The following GPHN variants were observed in gnomAD, a reference collection of about 807,000 sequenced individuals.
GPHN encodes the protein gephyrin.
Under a neutral mutation model 95.5 loss-of-function variants are expected in GPHN, and 17 were observed. That is an observed-to-expected ratio of 0.18 (90% CI 0.12 to 0.27). GPHN has a LOEUF of 0.27. Among genes scored for constraint, GPHN ranks in the 10% least tolerant of loss-of-function variants. The pLI is 1.00. For missense variants in GPHN, 660 were observed against 978.1 expected (o/e 0.67, Z 4.34); for synonymous variants, 320 against 322.5 (o/e 0.99, Z 0.08).
At chr14:67,307,510 C>T in the GPHN span, among the ~76,000 whole-genome samples, 1 of 152,086 alleles carries the variant, frequency 6.6e-6, no homozygotes, top group African/African-American at 2.4e-5. Flanking sequence ...TACTCTGTGC[C>T]AGGCACTACA....
chr14:67,260,990 A>C, the GPHN span, among the ~76,000 whole-genome samples: 1 of 152,228 alleles, frequency 6.6e-6, no homozygotes, highest in East Asian at 1.9e-4. Flanking sequence ...GGAGTCAAGC[A>C]GACTCCAGGC....
the GPHN span, among the ~76,000 whole-genome samples, chr14:67,298,832 C>G: frequency 6.6e-6 from 1 of 152,218 alleles, no homozygotes; most frequent in Non-Finnish European, 1.5e-5. Flanking sequence ...ACAATCACCT[C>G]TTTCAATCCT....
the GPHN span, among the ~76,000 whole-genome samples, chr14:67,531,601 T>C: frequency 2.0e-5 from 3 of 151,930 alleles, no homozygotes; most frequent in Admixed American, 2.0e-4. Flanking sequence ...CTCTTTTCAC[T>C]ATATAACAAA....
At chr14:66,958,138 T>G (rs1275129713) in intron 8 of GPHN, among the ~76,000 whole-genome samples, 1 of 152,194 alleles carries the variant, frequency 6.6e-6, no homozygotes, top group Non-Finnish European at 1.5e-5. Context: ...TTTTGAAGTT[T>G]TTCTCTCTTC....
intron 2 of GPHN, among the ~76,000 whole-genome samples, chr14:66,774,299 G>C (rs2059301981): frequency 6.6e-6 from 1 of 152,042 alleles, no homozygotes; most frequent in South Asian, 2.1e-4. Context: ...ACCGCGCCCG[G>C]CCATATCTAC....
At chr14:66,662,619 G>A (rs1345794037) in intron 1 of GPHN, among the ~76,000 whole-genome samples, 3 of 152,206 alleles carry the variant, frequency 2.0e-5, no homozygotes, top group East Asian at 1.9e-4. Flanking sequence ...TTGGGCAGAG[G>A]CTGAGATGGC....
the GPHN span, among the ~76,000 whole-genome samples, chr14:67,439,298 T>C: frequency 6.6e-6 from 1 of 152,198 alleles, no homozygotes; most frequent in African/African-American, 2.4e-5. Flanking sequence ...ATGGGCTCAT[T>C]TTCCTCTTGT....
chr14:67,067,838 G>A (rs1030208337), intron 11 of GPHN, among the ~76,000 whole-genome samples: 8 of 152,208 alleles, frequency 5.3e-5, no homozygotes, highest in African/African-American at 1.2e-4. Flanking sequence ...GGAATGCCCC[G>A]TTTTTCGAGG....
chr14:67,491,350 T>C, the GPHN span, among the ~76,000 whole-genome samples: 2 of 152,116 alleles, frequency 1.3e-5, no homozygotes, highest in African/African-American at 4.8e-5. Context: ...CTCCCACACC[T>C]TTCTTGGAGG....
intron 4 of GPHN, among the ~76,000 whole-genome samples, chr14:66,826,106 GA>G (rs1440891668): frequency 6.6e-6 from 1 of 152,026 alleles, no homozygotes; most frequent in African/African-American, 2.4e-5. Flanking sequence ...CAGAAAAATA[GA>G]AAAAATTTCA....
intron 3 of GPHN, among the ~76,000 whole-genome samples, chr14:66,792,628 A>C (rs2060013065): frequency 6.6e-6 from 1 of 152,262 alleles, no homozygotes; most frequent in Non-Finnish European, 1.5e-5. Context: ...TTTTAAAAGC[A>C]GTTGACCAGA....
the GPHN span, among the ~76,000 whole-genome samples, chr14:67,445,384 T>TAACTCCA: frequency 6.6e-6 from 1 of 151,666 alleles, no homozygotes; most frequent in African/African-American, 2.4e-5. Flanking sequence ...AGGTAGATAG[T>TAACTCCA]GTCAGAATGG....
chr14:66,769,888 C>G (rs2059104414), intron 2 of GPHN, among the ~76,000 whole-genome samples: 1 of 152,094 alleles, frequency 6.6e-6, no homozygotes, highest in African/African-American at 2.4e-5. Flanking sequence ...TGTTTCAGCT[C>G]TTTGAGGAAT....
the GPHN span, among the ~76,000 whole-genome samples, chr14:67,625,736 C>CA: frequency 0.22 from 26,130 of 118,260 alleles, 3,293 homozygotes; most frequent in African/African-American, 0.38. Context: ...AATGAAAAAC[C>CA]AAAAAAAAAA....
chr14:66,813,429 G>A (rs1006256937), intron 3 of GPHN, among the ~76,000 whole-genome samples: 2 of 152,166 alleles, frequency 1.3e-5, no homozygotes, highest in African/African-American at 4.8e-5. Context: ...AGCTGGGAAC[G>A]CTGCATGGAC....
chr14:67,031,602 GAAATTTA>G (rs1431452688), intron 10 of GPHN, among the ~76,000 whole-genome samples: 1 of 151,798 alleles, frequency 6.6e-6, no homozygotes, highest in East Asian at 1.9e-4. Flanking sequence ...CTAGGTTCTC[GAAATTTA>G]AAAAGAAAAA....
chr14:67,089,064 A>G lies in GPHN; in HGVS notation c.1226A>G (p.Tyr409Cys). The G allele has an allele frequency of 1.3e-6, 2 of 1,509,868 alleles. No individual in the cohort carries two copies. Among genetic ancestry groups the G allele is most frequent in the Non-Finnish European group, 1.8e-6 (2 of 1,092,482 alleles). 93.5% of individuals were successfully genotyped at this position (1,509,868 alleles called of 1,614,324 possible). ...TTCCCAGCATCAGTAAAAGATGGCT[A>G]TGCTGTCCGAGGTAAATATTTTGGT... Reference protein sequence around the residue: ...PPFPASVKDGYAVRAADGPGD... With the variant: ...PPFPASVKDGCAVRAADGPGD... Residue 409 changes from tyrosine (Y) to cysteine (C), a missense_variant, in exon 12 of 23, where the codon TAT becomes TGT. Physicochemically the swap from Tyr to Cys is radical, Grantham distance 194. Around this residue, in one of 6 missense-constraint regions of GPHN, gnomAD observed 257 missense variants for 376.2 expected, o/e 0.68. Transcript: ENST00000478722.
intron 2 of GPHN, among the ~76,000 whole-genome samples, chr14:66,742,439 C>T (rs986329029): frequency 2.0e-5 from 3 of 152,160 alleles, no homozygotes; most frequent in African/African-American, 4.8e-5. Flanking sequence ...TTGAAGATTC[C>T]GTCCTGTTTG....
intron 4 of GPHN, among the ~76,000 whole-genome samples, chr14:66,850,936 G>A (rs111474782): frequency 5.2e-4 from 79 of 152,008 alleles, no homozygotes; most frequent in African/African-American, 1.6e-3. Context: ...ATATAATAAT[G>A]TAATATAATT....
Sources: allele counts gnomAD v4.1 joint callset (sites outside exome capture counted in the v4.1 genomes callset), GRCh38; gene constraint gnomAD v4.1.1; regional missense constraint gnomAD v4.1.1; transcripts MANE v1.5; gene names NCBI Gene and HGNC (gene_info 2026-07-23, HGNC 2026-07-21).